The following RALGPS1 variants were observed in gnomAD, a reference collection of about 807,000 sequenced individuals.
RALGPS1 encodes the protein ras-specific guanine nucleotide-releasing factor RalGPS1.
RALGPS1 carries 19 observed loss-of-function variants against 78.8 expected under a neutral mutation model. That is an observed-to-expected ratio of 0.24 (90% CI 0.17 to 0.35). RALGPS1 has a LOEUF of 0.35. Ranked by LOEUF, RALGPS1 falls within the 10% of genes least tolerant of loss-of-function variation. The pLI is 1.00. For synonymous variants in RALGPS1, 228 were observed against 256.3 expected (o/e 0.89, Z 1.06); for missense variants, 454 against 688.3 (o/e 0.66, Z 3.81).
At chr9:127,179,663 C>T (rs557150404) in intron 11 of RALGPS1, among the ~76,000 whole-genome samples, 36 of 152,334 alleles carry the variant, frequency 2.4e-4, no homozygotes, top group Admixed American at 7.8e-4. Context: ...AGAACCTTCC[C>T]CACAAAGCTC....
intron 8 of RALGPS1, among the ~76,000 whole-genome samples, chr9:127,078,786 T>G (rs2050908960): frequency 6.6e-6 from 1 of 152,236 alleles, no homozygotes; most frequent in South Asian, 2.1e-4. Flanking sequence ...ATCTTTATAC[T>G]CATTAGGATG....
At chr9:126,994,269 TA>T (rs2042532723) in intron 4 of RALGPS1, among the ~76,000 whole-genome samples, 1 of 100,024 alleles carries the variant, frequency 1.0e-5, no homozygotes, top group African/African-American at 2.6e-5. Context: ...GCAAAGAAGT[TA>T]AAAGCTTTGA....
intron 4 of RALGPS1, among the ~76,000 whole-genome samples, chr9:126,986,484 T>C (rs1251352493): frequency 6.6e-6 from 1 of 152,146 alleles, no homozygotes; most frequent in Non-Finnish European, 1.5e-5. Flanking sequence ...CTGAAGGTCC[T>C]GGTGGTAGCA....
At chr9:127,137,735 G>T (rs559470023) in intron 8 of RALGPS1, among the ~76,000 whole-genome samples, 1 of 152,352 alleles carries the variant, frequency 6.6e-6, no homozygotes, top group African/African-American at 2.4e-5. Context: ...TGGGCACTGG[G>T]GAGATACATG....
At chr9:127,216,701 G>T (rs2062600312) in intron 18 of RALGPS1, among the ~76,000 whole-genome samples, 1 of 152,186 alleles carries the variant, frequency 6.6e-6, no homozygotes, top group Admixed American at 6.5e-5. Context: ...CAAGGGTTTT[G>T]GTCGGCAGCC....
chr9:127,207,751 T>C (rs1182241854), intron 14 of RALGPS1, among the ~76,000 whole-genome samples: 1 of 152,118 alleles, frequency 6.6e-6, no homozygotes, highest in African/African-American at 2.4e-5. Flanking sequence ...AGGACTCACC[T>C]GGAGGGAAGG....
chr9:127,029,132 G>A (rs930212745), intron 4 of RALGPS1, among the ~76,000 whole-genome samples: 1 of 152,132 alleles, frequency 6.6e-6, no homozygotes, highest in Admixed American at 6.5e-5. Flanking sequence ...AGAGAAGAAT[G>A]TAGACTTCCT....
At chr9:127,185,316 C>G (rs1006430744) in intron 11 of RALGPS1, among the ~76,000 whole-genome samples, 1 of 152,222 alleles carries the variant, frequency 6.6e-6, no homozygotes, top group Admixed American at 6.5e-5. Flanking sequence ...TCTGTCAACC[C>G]GAGTCTGTGC....
intron 8 of RALGPS1, among the ~76,000 whole-genome samples, chr9:127,093,041 C>G (rs1293862196): frequency 6.6e-6 from 1 of 152,164 alleles, no homozygotes; most frequent in Admixed American, 6.5e-5. Context: ...GAACCTCCCT[C>G]AGGAGGTTGA....
At position 127,222,550 on chromosome 9, in the gene RALGPS1, T is replaced by G. The variant is rs2062799365; in HGVS notation, c.*3781T>G. The G allele has an allele frequency of 6.6e-6, 1 of 152,338 alleles. No individual in the cohort carries two copies. The highest frequency in any genetic ancestry group is 1.5e-5 in the Non-Finnish European group (1 of 68,046). 9.4% of individuals were successfully genotyped at this position (152,338 alleles called of 1,614,324 possible). A position where few individuals can be genotyped will look rare whatever the true frequency, so the allele number is the denominator to read the frequency against. On this transcript the variant is annotated 3_prime_UTR_variant, in exon 19 of 19. Transcript: ENST00000259351. ...GGTGTTGAGAACTTGTACCATGGAC[T>G]TCAGACCGCCTTGCAGCCGTATGCT... is the stretch of plus-strand genomic sequence containing the variant.
intron 1 of RALGPS1, among the ~76,000 whole-genome samples, chr9:126,916,397 C>T (rs1300031774): frequency 6.6e-6 from 1 of 152,168 alleles, no homozygotes; most frequent in African/African-American, 2.4e-5. Flanking sequence ...ACCCCAACCC[C>T]GGTGAGGACT....
intron 8 of RALGPS1, among the ~76,000 whole-genome samples, chr9:127,093,340 G>A (rs1271265910): frequency 6.6e-6 from 1 of 152,140 alleles, no homozygotes; most frequent in African/African-American, 2.4e-5. Context: ...GAGCCTCTTG[G>A]GACTTGCGCC....
intron 4 of RALGPS1, among the ~76,000 whole-genome samples, chr9:127,009,794 A>C (rs2044181300): frequency 6.6e-6 from 1 of 152,122 alleles, no homozygotes; most frequent in African/African-American, 2.4e-5. Flanking sequence ...TGTGAGATAG[A>C]GTACTGTCTT....
At chr9:127,173,342 C>T (rs778460181) in intron 10 of RALGPS1, among the ~76,000 whole-genome samples, 1 of 152,152 alleles carries the variant, frequency 6.6e-6, no homozygotes, top group South Asian at 2.1e-4. Context: ...CGATAAGGAC[C>T]CCCACTCAGA....
At chr9:126,986,429 G>A (rs1054059716) in intron 4 of RALGPS1, among the ~76,000 whole-genome samples, 1 of 152,170 alleles carries the variant, frequency 6.6e-6, no homozygotes, top group Non-Finnish European at 1.5e-5. Flanking sequence ...TGGATTCCTG[G>A]CTGCCAGGGC....
At chr9:127,164,096 A>G (rs1007022386) in intron 8 of RALGPS1, among the ~76,000 whole-genome samples, 8 of 152,048 alleles carry the variant, frequency 5.3e-5, no homozygotes, top group Admixed American at 5.2e-4. Context: ...GTTAAATCCT[A>G]GATGTAGTAA....
intron 8 of RALGPS1, among the ~76,000 whole-genome samples, chr9:127,150,621 G>T (rs2058362946): frequency 6.6e-6 from 1 of 152,220 alleles, no homozygotes; most frequent in African/African-American, 2.4e-5. Flanking sequence ...CAGGGAGTTG[G>T]CATGAGGCAT....
intron 18 of RALGPS1, among the ~76,000 whole-genome samples, chr9:127,215,823 G>A (rs976649618): frequency 6.6e-6 from 1 of 152,254 alleles, no homozygotes; most frequent in Non-Finnish European, 1.5e-5. Context: ...GTCCCTAAGT[G>A]TCCATGTGTG....
chr9:127,090,419 C>T (rs571473160), intron 8 of RALGPS1, among the ~76,000 whole-genome samples: 1 of 152,358 alleles, frequency 6.6e-6, no homozygotes, highest in East Asian at 1.9e-4. Flanking sequence ...GAATGAGGGC[C>T]TGTTCCTCTT....
Sources: gnomAD v4.1 joint callset for allele counts (sites outside exome capture counted in the v4.1 genomes callset) on GRCh38, gnomAD v4.1.1 for gene constraint, MANE v1.5 for transcripts, NCBI Gene and HGNC (gene_info 2026-07-23, HGNC 2026-07-21) for gene names.